PREX2: variants seen among roughly 807,000 people sequenced by gnomAD.
PREX2 encodes phosphatidylinositol 3,4,5-trisphosphate-dependent Rac exchanger 2 protein.
In PREX2, 107 loss-of-function variants were observed where a neutral mutation model predicts 203.2. That is an observed-to-expected ratio of 0.53 (90% confidence interval 0.45 to 0.62). The LOEUF (loss-of-function observed/expected upper bound fraction) is 0.62. Among genes scored for constraint, PREX2 ranks in the 20% least tolerant of loss-of-function variants. The pLI, the probability that PREX2 is intolerant of heterozygous loss-of-function variation, is 0.00. For missense variants in PREX2, 1,777 were observed against 1,955.9 expected (o/e 0.91, Z 1.72); for synonymous variants, 672 against 663.6 (o/e 1.01, Z -0.19).
chr8:68,232,460 A>G lies in PREX2; in HGVS notation c.*1082A>G, dbSNP rs1813186040. 1 of 152,142 alleles carries G rather than the reference A, an allele frequency of 6.6e-6. No individual in the cohort carries two copies. The highest frequency in any genetic ancestry group is 2.4e-5 in the African/African-American group (1 of 41,438). The allele number at this position is 152,142 out of a possible 1,614,324, so 9.4% of individuals were successfully genotyped here. A position where few individuals can be genotyped will look rare whatever the true frequency, so the allele number is the denominator to read the frequency against. On this transcript the variant is annotated 3_prime_UTR_variant, in exon 40 of 40. Transcript: ENST00000288368. The stretch of plus-strand genomic sequence containing the variant: ...TGTAATGTTTATCATTTCTACATTG[A>G]TGCAATAACATTGTTTTTAGCATAG...
Position 68,109,615 on chromosome 8 carries a change from A to G in PREX2, c.3138A>G (p.Gln1046=), listed in dbSNP as rs1190885956. Residue 1046 remains glutamine (Q), a synonymous_variant, in exon 25 of 40, where the codon CAA becomes CAG. Transcript: ENST00000288368. The part of the protein sequence containing the change: ...ALKEVEMCVC[Q]IDDLLSSITY... ...AAGAGGTGGAGATGTGTGTTTGTCA[A>G]ATAGATGAGTAAGTGTTTTGTACTA... 1.9e-6 allele frequency: 3 copies of G among 1,613,464 alleles called. No homozygotes were observed. The highest frequency in any genetic ancestry group is 1.3e-5 in the African/African-American group (1 of 74,902).
At chr8:67,979,638 G>A (rs982879571) in intron 1 of PREX2, among the ~76,000 whole-genome samples, 1 of 152,148 alleles carries the variant, frequency 6.6e-6, no homozygotes, top group African/African-American at 2.4e-5. Flanking sequence ...GTTTGTGGTT[G>A]TTAACTCTGA....
At chr8:67,952,696 C>T (rs1222558948) in intron 1 of PREX2, 161 bp downstream of exon 1, 5 of 968,492 alleles carry the variant, frequency 5.2e-6, no homozygotes, top group East Asian at 2.7e-5. Flanking sequence ...CGTTCGCGGG[C>T]GCGGTGACCC....
chr8:68,168,719 C>T (rs1047820911), intron 35 of PREX2, among the ~76,000 whole-genome samples: 1 of 152,164 alleles, frequency 6.6e-6, no homozygotes, highest in African/African-American at 2.4e-5. Flanking sequence ...GGGCAATCTG[C>T]TCTTGGTTTT....
rs563961612 is a variant in PREX2 at position 68,201,376 on chromosome 8, G to A, written c.4604+8851G>A. Among the ~76,000 whole-genome samples the A allele has an allele frequency of 2.0e-5, 3 of 152,190 alleles. No individual in the cohort carries two copies. The South Asian group carries it at 6.2e-4, about 32-fold the overall frequency. On this transcript the variant is annotated intron_variant, in intron 37 of 39. Coordinates refer to ENST00000288368, the MANE Select transcript of PREX2 (RefSeq NM_024870.4). ...AGGGTAGATGTATATATAAAGGGGAGTTTATTAAGGAGTATTGACTCACAC... is the reference window on the plus strand; with the variant it reads ...AGGGTAGATGTATATATAAAGGGGAATTTATTAAGGAGTATTGACTCACAC...
chr8:68,038,001 C>A (rs1306365289), intron 6 of PREX2, among the ~76,000 whole-genome samples, 158 bp from the exon 7 acceptor site: 2 of 152,054 alleles, frequency 1.3e-5, no homozygotes, highest in Admixed American at 1.3e-4. Flanking sequence ...GGTTAGGGGC[C>A]CTCCAATCAG....
chr8:68,029,689 A>G (rs972286701), intron 5 of PREX2, among the ~76,000 whole-genome samples: 1 of 152,192 alleles, frequency 6.6e-6, no homozygotes, highest in African/African-American at 2.4e-5. Context: ...GAAACACATG[A>G]CTAATTAAAA....
intron 11 of PREX2, 138 bp from the exon 12 acceptor site, chr8:68,068,895 C>A: frequency 2.3e-6 from 1 of 433,104 alleles, no homozygotes; most frequent in Non-Finnish European, 4.0e-6. Context: ...ATTGGTATTG[C>A]TGTGTTAGAA....
intron 25 of PREX2, chr8:68,111,128 A>G (rs1258769318): frequency 4.4e-6 from 1 of 229,680 alleles, no homozygotes; most frequent in Non-Finnish European, 8.7e-6. Flanking sequence ...AGAGGTATTT[A>G]TGAAGTATAT....
intron 1 of PREX2, among the ~76,000 whole-genome samples, chr8:67,953,585 T>G (rs1340627733): frequency 6.6e-6 from 1 of 152,094 alleles, no homozygotes; most frequent in Non-Finnish European, 1.5e-5. Flanking sequence ...GGAAAATATT[T>G]CAGGTGCCAA....
At chr8:68,182,184 G>T (rs1812098246) in intron 35 of PREX2, among the ~76,000 whole-genome samples, 1 of 152,100 alleles carries the variant, frequency 6.6e-6, no homozygotes, top group Non-Finnish European at 1.5e-5. Flanking sequence ...TAAGCTAAGA[G>T]TTAAGCACTT....
At chr8:68,119,813 A>C (rs1026475617) in intron 28 of PREX2, among the ~76,000 whole-genome samples, 2 of 151,934 alleles carry the variant, frequency 1.3e-5, no homozygotes, top group Non-Finnish European at 2.9e-5. Context: ...GCTTTATGAT[A>C]TTTCTTGCTC....
intron 38 of PREX2, among the ~76,000 whole-genome samples, chr8:68,219,740 G>A (rs993336856): frequency 2.0e-5 from 3 of 152,130 alleles, no homozygotes; most frequent in South Asian, 2.1e-4. Flanking sequence ...GTCCCCTGTC[G>A]CGGATTCTCC....
intron 37 of PREX2, among the ~76,000 whole-genome samples, chr8:68,201,900 A>ATTT (rs869153263): frequency 0.035 from 3,434 of 98,210 alleles, 284 homozygotes; most frequent in East Asian, 0.2. Context: ...GGTAACACCT[A>ATTT]TTTTTTTTTT....
chr8:68,122,039 T>C (rs989542584), intron 30 of PREX2, among the ~76,000 whole-genome samples: 2 of 152,116 alleles, frequency 1.3e-5, no homozygotes, highest in African/African-American at 4.8e-5. Context: ...TTACCTTAAG[T>C]GGGGTAAATT....
chr8:68,153,371 C>T (rs1244967221), intron 34 of PREX2, among the ~76,000 whole-genome samples: 1 of 152,192 alleles, frequency 6.6e-6, no homozygotes, highest in Non-Finnish European at 1.5e-5. Context: ...ATGTAGCCCG[C>T]TTCAGTCTAA....
chr8:68,059,954 A>C (rs1466940884), intron 10 of PREX2, among the ~76,000 whole-genome samples: 1 of 152,222 alleles, frequency 6.6e-6, no homozygotes, highest in Non-Finnish European at 1.5e-5. Context: ...CTGTCATGCC[A>C]CTAGCCTGAG....
At chr8:68,075,920 A>T (rs1809334721) in intron 14 of PREX2, among the ~76,000 whole-genome samples, 2 of 152,098 alleles carry the variant, frequency 1.3e-5, no homozygotes, top group Admixed American at 1.3e-4. Context: ...AGAGAAGGGC[A>T]TTGCAGCTAT....
At chr8:68,147,237 A>G (rs1434051537) in intron 34 of PREX2, among the ~76,000 whole-genome samples, 1 of 152,182 alleles carries the variant, frequency 6.6e-6, no homozygotes, top group African/African-American at 2.4e-5. Context: ...TAGAGGGAAT[A>G]AAATGTATCT....
Sources: allele counts gnomAD v4.1 joint callset (sites outside exome capture counted in the v4.1 genomes callset), GRCh38; gene constraint gnomAD v4.1.1; transcripts MANE v1.5; gene names NCBI Gene and HGNC (gene_info 2026-07-23, HGNC 2026-07-21).